PTPRT: variants seen among roughly 807,000 people sequenced by gnomAD.
PTPRT encodes receptor-type tyrosine-protein phosphatase T.
Under a neutral mutation model 176.8 loss-of-function variants are expected in PTPRT, and 56 were observed. The observed-to-expected ratio is 0.32, with a 90% CI of 0.26 to 0.40. PTPRT has a LOEUF of 0.40. Among genes scored for constraint, PTPRT ranks in the 10% least tolerant of loss-of-function variants. PTPRT has a pLI of 1.00. For synonymous variants in PTPRT, 783 were observed against 739.0 expected (o/e 1.06, Z -0.96); for missense variants, 1,540 against 1,908.2 (o/e 0.81, Z 3.60).
At chr20:42,919,020 C>G (rs1006328456) in intron 1 of PTPRT, among the ~76,000 whole-genome samples, 4 of 152,188 alleles carry the variant, frequency 2.6e-5, no homozygotes, top group African/African-American at 9.7e-5. Flanking sequence ...GCTTCTCCCA[C>G]GTCTCAGGGA....
At chr20:42,424,869 T>C (rs1195572981) in intron 9 of PTPRT, among the ~76,000 whole-genome samples, 1 of 149,892 alleles carries the variant, frequency 6.7e-6, no homozygotes, top group African/African-American at 2.5e-5. Context: ...CCAGTAAGAA[T>C]CCTGTTAAAG....
At chr20:42,209,533 A>C (rs2055564860) in intron 15 of PTPRT, among the ~76,000 whole-genome samples, 1 of 152,230 alleles carries the variant, frequency 6.6e-6, no homozygotes, top group South Asian at 2.1e-4. Context: ...ACGCAAATGA[A>C]CTAGAAAATC....
chr20:42,914,815 C>G (rs1305923370), intron 1 of PTPRT, among the ~76,000 whole-genome samples: 1 of 151,662 alleles, frequency 6.6e-6, no homozygotes, highest in Non-Finnish European at 1.5e-5. Context: ...GTGTTAATTG[C>G]TGAAGCTGGG....
chr20:42,086,753 A>ATATATATATAT (rs60067837), intron 27 of PTPRT, among the ~76,000 whole-genome samples: 2 of 95,534 alleles, frequency 2.1e-5, no homozygotes, highest in African/African-American at 4.9e-5. Flanking sequence ...AAAAAAAAAA[A>ATATATATATAT]ATATATATAT....
At chr20:42,600,894 G>C (rs1437245131) in intron 7 of PTPRT, among the ~76,000 whole-genome samples, 1 of 152,104 alleles carries the variant, frequency 6.6e-6, no homozygotes, top group Non-Finnish European at 1.5e-5. Context: ...TTTTGCTATT[G>C]TGAATAATAC....
chr20:42,739,287 G>T (rs1342651050), intron 6 of PTPRT, among the ~76,000 whole-genome samples: 1 of 65,658 alleles, frequency 1.5e-5, no homozygotes, highest in African/African-American at 6.2e-5. Context: ...ATGAAAGGGA[G>T]AGATAAAAAA....
intron 2 of PTPRT, among the ~76,000 whole-genome samples, chr20:42,829,866 T>C (rs1281974048): frequency 6.6e-6 from 1 of 152,186 alleles, no homozygotes; most frequent in African/African-American, 2.4e-5. Context: ...AACACATTTG[T>C]GGACATATAC....
chr20:42,948,944 T>C (rs967126326), intron 1 of PTPRT, among the ~76,000 whole-genome samples: 4 of 152,316 alleles, frequency 2.6e-5, no homozygotes, highest in East Asian at 3.9e-4. Flanking sequence ...ACACGTTCCA[T>C]GAACCCAAAT....
In PTPRT at chr20:42,330,195, G is replaced by A. The variant is rs189251917; in HGVS notation, c.1866-14199C>T. 2.0e-5 allele frequency among the ~76,000 whole-genome samples: 3 copies of A among 152,326 alleles called. No homozygotes were observed. The East Asian group carries it at 5.8e-4, about 29-fold the overall frequency. On this transcript the variant is annotated intron_variant, in intron 11 of 30. Transcript: ENST00000373187. Reference sequence around the variant, plus strand: ...GACTCAGCTTAAAATAACTGGCTGGGAGCGGTGGCTCATGCCTGTAATCCC... The same window carrying A: ...GACTCAGCTTAAAATAACTGGCTGGAAGCGGTGGCTCATGCCTGTAATCCC...
intron 1 of PTPRT, among the ~76,000 whole-genome samples, chr20:42,893,628 T>C (rs989336189): frequency 6.6e-6 from 1 of 151,854 alleles, no homozygotes; most frequent in African/African-American, 2.4e-5. Context: ...CCAACAACGA[T>C]AGACTGGATT....
At chr20:42,072,749 G>A (rs1047764682), downstream of PTPRT, 6 of 204,562 alleles carry the variant, frequency 2.9e-5, no homozygotes, top group East Asian at 3.0e-4. Context: ...ACACCAGTAC[G>A]AATATCTTAG....
chr20:42,616,807 G>C (rs1050010059), intron 7 of PTPRT, among the ~76,000 whole-genome samples: 3 of 137,252 alleles, frequency 2.2e-5, no homozygotes, highest in Admixed American at 2.1e-4. Context: ...AGAATTTGCT[G>C]AAGTTGCTTA....
intron 1 of PTPRT, among the ~76,000 whole-genome samples, chr20:42,898,132 A>G (rs1425247365): frequency 6.6e-6 from 1 of 152,200 alleles, no homozygotes; most frequent in East Asian, 1.9e-4. Context: ...GTGACTTTGA[A>G]TAAGTCATGT....
intron 7 of PTPRT, among the ~76,000 whole-genome samples, chr20:42,475,328 A>G (rs1036161762): frequency 1.3e-5 from 2 of 152,206 alleles, no homozygotes; most frequent in African/African-American, 4.8e-5. Flanking sequence ...TGTGCAAAGT[A>G]AAAACTCTCT....
chr20:42,310,215 T>C lies in PTPRT; in HGVS notation c.2139+5508A>G, dbSNP rs1292184002. Among the ~76,000 whole-genome samples, 4 of 152,026 alleles carry C rather than the reference T, an allele frequency of 2.6e-5. No individual in the cohort carries two copies. In the East Asian group the frequency reaches 7.7e-4, roughly 29 times the overall value. On this transcript the variant is annotated intron_variant, in intron 12 of 30. Coordinates refer to ENST00000373187, the MANE Select transcript of PTPRT (RefSeq NM_007050.6). ...TGTCTGAACCATATCTGAAGAACAG[T>C]GATAGGTTCTGGGCAACTCTTTTTG...
chr20:42,434,081 A>AG (rs1393049414), intron 9 of PTPRT, among the ~76,000 whole-genome samples: 52 of 152,106 alleles, frequency 3.4e-4, no homozygotes, highest in Non-Finnish European at 2.9e-5. Flanking sequence ...TTAAAAAAAA[A>AG]AAGTCACCAT....
At chr20:42,363,392 C>G (rs944395679) in intron 9 of PTPRT, among the ~76,000 whole-genome samples, 7 of 142,262 alleles carry the variant, frequency 4.9e-5, no homozygotes, top group African/African-American at 1.8e-4. Flanking sequence ...CTCACCGCAA[C>G]CTCCGCCTCC....
chr20:42,649,641 A>G (rs757810076), intron 7 of PTPRT, among the ~76,000 whole-genome samples: 4 of 152,164 alleles, frequency 2.6e-5, no homozygotes, highest in Non-Finnish European at 4.4e-5. Context: ...GGTTAAAGTA[A>G]TAACTCCCTC....
intron 14 of PTPRT, among the ~76,000 whole-genome samples, chr20:42,246,419 A>G (rs2146904257): frequency 6.6e-6 from 1 of 152,248 alleles, no homozygotes; most frequent in East Asian, 1.9e-4. Flanking sequence ...GCACCCCACA[A>G]CATGCAATGC....
Sources: gnomAD v4.1 joint callset for allele counts (sites outside exome capture counted in the v4.1 genomes callset) on GRCh38, gnomAD v4.1.1 for gene constraint, MANE v1.5 for transcripts, NCBI Gene and HGNC (gene_info 2026-07-23, HGNC 2026-07-21) for gene names.